NRG3: variants seen among roughly 807,000 people sequenced by gnomAD.
NRG3 encodes the protein neuregulin 3.
A neutral mutation model predicts 66.9 loss-of-function variants in NRG3; 31 were observed. The ratio of observed to expected loss-of-function variants is 0.46; its 90% CI spans 0.35 to 0.63. The LOEUF is 0.63. NRG3 is among the 20% of genes least tolerant of loss of function. The pLI is 0.00. For missense variants in NRG3, 910 were observed against 878.9 expected, an observed-to-expected ratio of 1.04 and a Z score of -0.45; for synonymous variants, 393 against 359.4, an observed-to-expected ratio of 1.09 and a Z score of -1.06.
chr10:81,981,412 G>C (rs2133467169), intron 1 of NRG3, among the ~76,000 whole-genome samples: 1 of 152,340 alleles, frequency 6.6e-6, no homozygotes, highest in Non-Finnish European at 1.5e-5. Context: ...TTAAGGCTCA[G>C]TAGTAATCCT....
intron 4 of NRG3, among the ~76,000 whole-genome samples, chr10:82,947,553 G>T (rs1849136637): frequency 6.6e-6 from 1 of 152,064 alleles, no homozygotes; most frequent in African/African-American, 2.4e-5. Context: ...TCCATCAGAA[G>T]TACATGAGAG....
intron 1 of NRG3, among the ~76,000 whole-genome samples, chr10:82,019,826 CT>C (rs2061977472): frequency 6.6e-6 from 1 of 152,048 alleles, no homozygotes; most frequent in Non-Finnish European, 1.5e-5. Context: ...ATTCTTCTCT[CT>C]TTTTTTCTTT....
At chr10:82,419,341 G>A (rs151168752) in intron 2 of NRG3, among the ~76,000 whole-genome samples, 1,801 of 152,156 alleles carry the variant, frequency 0.012, 19 homozygotes, top group Non-Finnish European at 0.017. Context: ...ATAACTATCT[G>A]CACTTTCAAA....
intron 2 of NRG3, among the ~76,000 whole-genome samples, chr10:82,462,536 G>A (rs77173629): frequency 6.6e-6 from 1 of 152,112 alleles, no homozygotes; most frequent in Non-Finnish European, 1.5e-5. Context: ...TGGGGCAGGA[G>A]CATCAGTGAT....
chr10:82,758,661 T>C (rs192097258), intron 3 of NRG3, among the ~76,000 whole-genome samples: 36 of 152,090 alleles, frequency 2.4e-4, no homozygotes, highest in African/African-American at 7.5e-4. Context: ...CCAGTGAAGG[T>C]CTTGGTCAGT....
intron 2 of NRG3, among the ~76,000 whole-genome samples, chr10:82,381,635 G>T (rs903765975): frequency 6.6e-6 from 1 of 152,098 alleles, no homozygotes; most frequent in African/African-American, 2.4e-5. Flanking sequence ...TACTCTATTT[G>T]TGAGATTTAT....
rs181338794 is a variant in NRG3 at position 82,400,706 on chromosome 10, A to G, written c.953+41838A>G. 5.3e-3 allele frequency among the ~76,000 whole-genome samples: 804 copies of G among 151,760 alleles called. 7 individuals carry two copies. The highest frequency in any genetic ancestry group is 0.019 in the African/African-American group (782 of 41,378). On this transcript the variant is annotated intron_variant, in intron 2 of 8. Coordinates refer to ENST00000372141, the MANE Select transcript of NRG3 (RefSeq NM_001010848.4). ...CCTCAGCCTCCTGAGTAGCTAGGAC[A>G]ATAGGCATGCACCACCACACCTGGC...
intron 2 of NRG3, among the ~76,000 whole-genome samples, chr10:82,613,594 A>G (rs950696397): frequency 6.6e-6 from 1 of 151,838 alleles, no homozygotes; most frequent in Non-Finnish European, 1.5e-5. Flanking sequence ...TTAACACATG[A>G]TATTTTGATA....
chr10:82,280,719 A>G (rs1352453569), intron 1 of NRG3, among the ~76,000 whole-genome samples: 1 of 152,138 alleles, frequency 6.6e-6, no homozygotes, highest in Non-Finnish European at 1.5e-5. Context: ...CTACTCACTC[A>G]TCCTGCATAT....
At chr10:82,898,456 G>C (rs1843872438) in intron 4 of NRG3, among the ~76,000 whole-genome samples, 1 of 152,166 alleles carries the variant, frequency 6.6e-6, no homozygotes, top group Non-Finnish European at 1.5e-5. Flanking sequence ...CACAGGGCCA[G>C]CTCAGATCAC....
chr10:82,224,237 G>T (rs984755147), intron 1 of NRG3: 3 of 152,116 alleles, frequency 2.0e-5, no homozygotes, highest in Non-Finnish European at 4.4e-5. Context: ...ACTTTATTTT[G>T]GTGAAATATT....
chr10:82,156,372 C>G (rs957582309), intron 1 of NRG3, among the ~76,000 whole-genome samples: 1 of 151,260 alleles, frequency 6.6e-6, no homozygotes, highest in African/African-American at 2.4e-5. Flanking sequence ...GTAACATGAT[C>G]CCCCAGGCCT....
intron 2 of NRG3, among the ~76,000 whole-genome samples, chr10:82,647,517 T>C (rs1021725781): frequency 1.6e-4 from 24 of 150,390 alleles, no homozygotes; most frequent in Non-Finnish European, 2.2e-4. Context: ...TGGGTATATA[T>C]CCAGTAATGG....
chr10:82,060,048 CT>C (rs2064060870), intron 1 of NRG3, among the ~76,000 whole-genome samples: 1 of 152,064 alleles, frequency 6.6e-6, no homozygotes, highest in Non-Finnish European at 1.5e-5. Context: ...TAATAAAGAC[CT>C]TGTTTGTTGT....
At chr10:82,286,033 G>A (rs1430784389) in intron 1 of NRG3, among the ~76,000 whole-genome samples, 1 of 152,170 alleles carries the variant, frequency 6.6e-6, no homozygotes, top group Non-Finnish European at 1.5e-5. Flanking sequence ...GCAGAGTAGA[G>A]GGTGTCTGTT....
chr10:82,274,892 C>T (rs2078765841), intron 1 of NRG3, among the ~76,000 whole-genome samples: 1 of 151,882 alleles, frequency 6.6e-6, no homozygotes, highest in Admixed American at 6.6e-5. Flanking sequence ...CCAAAGCACC[C>T]AACTAGAAAG....
At chr10:82,230,824 G>C (rs564945240) in intron 1 of NRG3, among the ~76,000 whole-genome samples, 1 of 152,178 alleles carries the variant, frequency 6.6e-6, no homozygotes, top group African/African-American at 2.4e-5. Context: ...TATGCATATG[G>C]TGAATTCTTC....
intron 1 of NRG3, among the ~76,000 whole-genome samples, chr10:82,302,549 A>T (rs141972718): frequency 6.6e-6 from 1 of 152,284 alleles, no homozygotes; most frequent in East Asian, 1.9e-4. Flanking sequence ...GTTAAATATT[A>T]ATGATTAATA....
At chr10:81,988,141 T>G (rs1375652740) in intron 1 of NRG3, among the ~76,000 whole-genome samples, 2 of 152,278 alleles carry the variant, frequency 1.3e-5, no homozygotes, top group East Asian at 3.9e-4. Context: ...TAGTGTAGTG[T>G]TTTGATATTT....
Sources: gnomAD v4.1 joint callset for allele counts (sites outside exome capture counted in the v4.1 genomes callset) on GRCh38, gnomAD v4.1.1 for gene constraint, MANE v1.5 for transcripts, NCBI Gene and HGNC (gene_info 2026-07-23, HGNC 2026-07-21) for gene names.